Variants in TRIP11 observed in about 807,000 individuals in gnomAD.
TRIP11 encodes the protein thyroid hormone receptor interactor 11.
A neutral mutation model predicts 223.1 loss-of-function variants in TRIP11; 148 were observed. The observed-to-expected ratio is 0.66, with a 90% CI of 0.58 to 0.76. The LOEUF is 0.76. Ranked by LOEUF, TRIP11 falls within the 30% of genes least tolerant of loss-of-function variation. The pLI is 0.00. For synonymous variants in TRIP11, 762 were observed against 772.6 expected (o/e 0.99, Z 0.23); for missense variants, 2,043 against 2,222.0 (o/e 0.92, Z 1.62).
intron 4 of TRIP11, among the ~76,000 whole-genome samples, 193 bp downstream of exon 4, chr14:92,021,363 T>C (rs2057111877): frequency 7.1e-6 from 1 of 140,690 alleles, no homozygotes; most frequent in African/African-American, 2.7e-5. Flanking sequence ...CACTCTAGCA[T>C]GGGAGACAGA....
intron 1 of TRIP11, among the ~76,000 whole-genome samples, chr14:92,034,438 GA>G (rs1289802271): frequency 6.8e-6 from 1 of 146,688 alleles, no homozygotes; most frequent in Admixed American, 6.7e-5. Context: ...AAAAAAAAAG[GA>G]AAGGGAGCTG....
chr14:91,974,521 A>C (rs2056438891), intron 19 of TRIP11, 106 bp downstream of exon 19: 7 of 918,640 alleles, frequency 7.6e-6, no homozygotes, highest in Non-Finnish European at 1.0e-5. Context: ...TCAAAATAAA[A>C]GGGTTGTATA....
intron 15 of TRIP11, among the ~76,000 whole-genome samples, chr14:91,989,313 A>T (rs1473294840): frequency 3.3e-5 from 5 of 152,096 alleles, no homozygotes; most frequent in African/African-American, 1.2e-4. Context: ...TTTATGATGT[A>T]AGGTGAGGGT....
chr14:91,997,751 T>C (rs2140108381), intron 13 of TRIP11, among the ~76,000 whole-genome samples: 1 of 152,008 alleles, frequency 6.6e-6, no homozygotes, highest in Middle Eastern at 3.4e-3. Flanking sequence ...AAGGCTAAGG[T>C]GGTAGGAGCC....
Position 92,037,510 on chromosome 14 carries a change from G to A in TRIP11, c.139+2037C>T, listed in dbSNP as rs546297075. On this transcript the variant is annotated intron_variant, in intron 1 of 20. Coordinates refer to ENST00000267622, the MANE Select transcript of TRIP11 (RefSeq NM_004239.4). The surrounding 1 kb of genome is among the most constrained non-coding windows in gnomAD (Gnocchi z 4.2). ...GTAAGTGCCTGACAAAATCCCACAC[G>A]ACAGAAGCTGTGCGTACAAGCAAGC... Among the ~76,000 whole-genome samples the A allele has an allele frequency of 5.5e-4, 84 of 152,340 alleles. No individual in the cohort carries two copies. The highest frequency in any genetic ancestry group is 1.1e-3 in the Non-Finnish European group (72 of 68,036).
At chr14:91,980,564 T>A (rs1293669798) in intron 16 of TRIP11, among the ~76,000 whole-genome samples, 67 of 152,246 alleles carry the variant, frequency 4.4e-4, no homozygotes, top group Non-Finnish European at 2.9e-5. Context: ...AAGTGCTACA[T>A]AAAGCATTAG....
chr14:91,975,115 T>C, intron 18 of TRIP11, 57 bp downstream of exon 18: 1 of 1,467,214 alleles, frequency 6.8e-7, no homozygotes, highest in South Asian at 1.1e-5. Flanking sequence ...AGTAATTGTC[T>C]ACAAAGCCAC....
At chr14:92,008,502 C>T (rs2056932524) in intron 9 of TRIP11, among the ~76,000 whole-genome samples, 1 of 152,272 alleles carries the variant, frequency 6.6e-6, no homozygotes, top group East Asian at 1.9e-4. Context: ...TCACACCTGA[C>T]ATTCCTAAAG....
chr14:91,987,396 T>A (rs564774436), intron 16 of TRIP11, among the ~76,000 whole-genome samples: 1 of 152,298 alleles, frequency 6.6e-6, no homozygotes, highest in South Asian at 2.1e-4. Flanking sequence ...CGTCAGTGGT[T>A]CCTGCCGGCT....
intron 16 of TRIP11, among the ~76,000 whole-genome samples, chr14:91,982,512 T>A (rs1177100487): frequency 1.3e-5 from 2 of 152,202 alleles, no homozygotes; most frequent in African/African-American, 4.8e-5. Context: ...ATGGGTACTA[T>A]GCTCACTACC....
chr14:92,020,364 T>C (rs575579306), intron 4 of TRIP11, among the ~76,000 whole-genome samples: 2 of 152,188 alleles, frequency 1.3e-5, no homozygotes, highest in East Asian at 1.9e-4. Flanking sequence ...AAATCTGATA[T>C]ATAAGACAAA....
Position 92,005,865 on chromosome 14 carries a change from G to A in TRIP11, c.2111C>T (p.Ser704Phe). 1 of 1,613,856 alleles carries A rather than the reference G, an allele frequency of 6.2e-7. No individual in the cohort carries two copies. Among genetic ancestry groups the A allele is most frequent in the African/African-American group, 1.3e-5 (1 of 74,980 alleles). The change falls in exon 11 of 21, where the codon TCT (serine) becomes TTT (phenylalanine). Residue 704 changes from serine to phenylalanine, a missense_variant. Physicochemically the swap from Ser to Phe is radical, Grantham distance 155. Transcript: ENST00000267622. ...CTCCACAATAGTGTTTTTTTCCAGAGAAAGCTGATTGTTACCAGCAAGACA... is the reference window on the plus strand; with the variant it reads ...CTCCACAATAGTGTTTTTTTCCAGAAAAAGCTGATTGTTACCAGCAAGACA... Reference protein sequence around the residue: ...EECLAGNNQLSLEKNTIVETL... With the variant: ...EECLAGNNQLFLEKNTIVETL...
At chr14:91,982,826 CA>C (rs931915880) in intron 16 of TRIP11, among the ~76,000 whole-genome samples, 1 of 152,182 alleles carries the variant, frequency 6.6e-6, no homozygotes, top group African/African-American at 2.4e-5. Context: ...ATCATAGCCT[CA>C]GTTTACAATT....
chr14:91,981,005 TATATA>T (rs2056532395), intron 16 of TRIP11, among the ~76,000 whole-genome samples: 3 of 68,792 alleles, frequency 4.4e-5, no homozygotes, highest in African/African-American at 2.2e-4. Context: ...TATATATATA[TATATA>T]TATTTTTTTT....
chr14:92,039,858 G>A lies in TRIP11; in HGVS notation c.-173C>T. 7.2e-7 allele frequency: 1 copy of A among 1,384,828 alleles called. No homozygotes were observed. The highest frequency in any genetic ancestry group is 1.5e-5 in the African/African-American group (1 of 68,864). The allele number at this position is 1,384,828 out of a possible 1,614,324, so 85.8% of individuals were successfully genotyped here. ...CCAGGTTCTGCCTAGAAACGCAGAG[G>A]CCTGGCCTGGAATTTTACCAGGGGC... On this transcript the variant is annotated 5_prime_UTR_variant, in exon 1 of 21. Coordinates refer to ENST00000267622, the MANE Select transcript of TRIP11 (RefSeq NM_004239.4).
chr14:91,996,886 A>G (rs2056758210), intron 13 of TRIP11, among the ~76,000 whole-genome samples: 1 of 152,224 alleles, frequency 6.6e-6, no homozygotes, highest in African/African-American at 2.4e-5. Flanking sequence ...TAAAGCACCT[A>G]TCTAGGCTTA....
intron 1 of TRIP11, among the ~76,000 whole-genome samples, chr14:92,034,621 A>C (rs544319736): frequency 4.4e-4 from 67 of 152,294 alleles, no homozygotes; most frequent in African/African-American, 1.6e-3. Context: ...GAATGAGCTC[A>C]GTCTGGTTTT....
Position 92,006,256 on chromosome 14 carries a change from A to C in TRIP11, c.1720T>G (p.Leu574Val), listed in dbSNP as rs750231393. The C allele has an allele frequency of 1.9e-6, 3 of 1,612,448 alleles. No individual in the cohort carries two copies. In the African/African-American group the frequency reaches 4.0e-5, roughly 22 times the overall value. Residue 574 changes from leucine (L) to valine (V), a missense_variant, in exon 11 of 21, where the codon TTA becomes GTA. Coordinates refer to ENST00000267622, the MANE Select transcript of TRIP11 (RefSeq NM_004239.4). ...LIQSEVALND[L>V]HLTKQKLEDK... ...TCAAGTTTCTGCTTGGTTAAATGTAAATCATTTAGGGCCACTTCACTTTGA... is the reference window on the plus strand; with the variant it reads ...TCAAGTTTCTGCTTGGTTAAATGTACATCATTTAGGGCCACTTCACTTTGA...
In TRIP11 at chr14:92,028,436, C is replaced by T. The variant is rs375878060; in HGVS notation, c.202-3016G>A. On this transcript the variant is annotated intron_variant, in intron 2 of 20. Transcript: ENST00000267622. ...GGCATGTTGGCTTGCACCCATAGTC[C>T]CAGCTACTCAGGAGGCTGAGGAGGG... Among the ~76,000 whole-genome samples the T allele has an allele frequency of 3.3e-5, 5 of 151,980 alleles. No homozygotes were observed. In the East Asian group the frequency reaches 7.7e-4, roughly 24 times the overall value.
Sources: allele counts gnomAD v4.1 joint callset (sites outside exome capture counted in the v4.1 genomes callset), GRCh38; gene constraint gnomAD v4.1.1; non-coding constraint Gnocchi (gnomAD v3.1); transcripts MANE v1.5; gene names NCBI Gene and HGNC (gene_info 2026-07-23, HGNC 2026-07-21).